The following CACNB4 variants were observed in gnomAD, a reference collection of about 807,000 sequenced individuals.
CACNB4 encodes calcium voltage-gated channel auxiliary subunit beta 4.
A neutral mutation model predicts 71.2 loss-of-function variants in CACNB4; 32 were observed. That is an observed-to-expected ratio of 0.45 (90% CI 0.34 to 0.60). The LOEUF (loss-of-function observed/expected upper bound fraction) is 0.60, where lower values mean the gene tolerates loss of function less well. Among genes scored for constraint, CACNB4 ranks in the 20% least tolerant of loss-of-function variants. The probability of loss-of-function intolerance (pLI) is 0.01; values close to 1 mark genes in which losing one functional copy is unlikely to be tolerated. For missense variants in CACNB4, 464 were observed against 647.9 expected, an observed-to-expected ratio of 0.72 and a Z score of 3.08; for synonymous variants, 231 against 236.9, an observed-to-expected ratio of 0.97 and a Z score of 0.23.
intron 2 of CACNB4, among the ~76,000 whole-genome samples, chr2:152,084,166 T>C (rs1323231200): frequency 1.3e-5 from 2 of 152,092 alleles, no homozygotes; most frequent in Non-Finnish European, 2.9e-5. Flanking sequence ...CTGAATGATG[T>C]CTGTTCCCCA....
At chr2:151,935,149 A>G (rs1279124666) in intron 2 of CACNB4, among the ~76,000 whole-genome samples, 3 of 152,226 alleles carry the variant, frequency 2.0e-5, no homozygotes, top group Non-Finnish European at 4.4e-5. Flanking sequence ...AGTACTTCAA[A>G]ATAATGACTC....
Position 151,839,389 on chromosome 2 carries a change from T to C in CACNB4, c.1303-10A>G, listed in dbSNP as rs2099835597. 6.3e-7 allele frequency: 1 copy of C among 1,592,174 alleles called. No homozygotes were observed. The highest frequency in any genetic ancestry group is 2.2e-5 in the East Asian group (1 of 44,650). On this transcript the variant is annotated splice_polypyrimidine_tract_variant and intron_variant, in intron 13 of 13. Coordinates refer to ENST00000539935, the MANE Select transcript of CACNB4 (RefSeq NM_000726.5). Reference sequence around the variant, plus strand: ...GCCTCATTCGCTGACTCTAAAAATATCAGATAGTTCATTGATTAAATAATG... The same window carrying C: ...GCCTCATTCGCTGACTCTAAAAATACCAGATAGTTCATTGATTAAATAATG...
chr2:151,979,582 G>C (rs1417592751), intron 2 of CACNB4, among the ~76,000 whole-genome samples: 4 of 151,974 alleles, frequency 2.6e-5, no homozygotes, highest in Non-Finnish European at 4.4e-5. Context: ...TAGTTCAGCT[G>C]GTCACCTTCC....
intron 2 of CACNB4, among the ~76,000 whole-genome samples, chr2:152,067,459 C>T (rs1198029044): frequency 6.6e-6 from 1 of 152,052 alleles, no homozygotes; most frequent in African/African-American, 2.4e-5. Flanking sequence ...AATCCTCCCA[C>T]CTCAGCTTCC....
chr2:151,966,375 G>T (rs2099871113), intron 2 of CACNB4, among the ~76,000 whole-genome samples: 1 of 151,996 alleles, frequency 6.6e-6, no homozygotes, highest in African/African-American at 2.4e-5. Context: ...TGCCTCCCAG[G>T]GTTCAAGTGA....
intron 2 of CACNB4, chr2:151,973,944 A>C: frequency 1.6e-6 from 2 of 1,276,184 alleles, no homozygotes. Context: ...AGAGCACAAA[A>C]AGCAAAACCC....
chr2:152,098,298 C>A lies in CACNB4; in HGVS notation c.147+32G>T. 1 of 1,573,764 alleles carries A rather than the reference C, an allele frequency of 6.4e-7. No individual in the cohort carries two copies. Among genetic ancestry groups the A allele is most frequent in the Non-Finnish European group, 8.7e-7 (1 of 1,143,448 alleles). On this transcript the variant is annotated intron_variant, in intron 2 of 13. Coordinates refer to ENST00000539935, the MANE Select transcript of CACNB4 (RefSeq NM_000726.5). The surrounding 1 kb of genome is among the most constrained non-coding windows in gnomAD (Gnocchi z 5.3). ...CCCCGCGCCGCGCGCTCGGCCTCCT[C>A]CCCATCCTGGTCTCCCGCCTCCTTC...
intron 2 of CACNB4, chr2:151,969,163 TG>T (rs2099871896): frequency 6.6e-6 from 1 of 152,244 alleles, no homozygotes; most frequent in Non-Finnish European, 1.5e-5. Context: ...GGTTTTCTTC[TG>T]TGGTCAGAGA....
intron 2 of CACNB4, among the ~76,000 whole-genome samples, chr2:151,942,575 G>C (rs919360238): frequency 4.7e-5 from 7 of 148,832 alleles, no homozygotes; most frequent in Non-Finnish European, 8.8e-5. Flanking sequence ...CCGGCAAAAA[G>C]AGCCATATTT....
chr2:151,965,979 C>T (rs1454297089), intron 2 of CACNB4, among the ~76,000 whole-genome samples: 4 of 152,146 alleles, frequency 2.6e-5, no homozygotes, highest in Non-Finnish European at 4.4e-5. Context: ...ACTCAAGGTC[C>T]GAACACTGAT....
intron 2 of CACNB4, among the ~76,000 whole-genome samples, chr2:152,046,866 T>C (rs146903935): frequency 6.6e-6 from 1 of 152,262 alleles, no homozygotes; most frequent in African/African-American, 2.4e-5. Context: ...ACCACCCAGT[T>C]AGGAAAAAGG....
At chr2:151,923,250 T>C (rs1430428844) in intron 2 of CACNB4, among the ~76,000 whole-genome samples, 1 of 152,230 alleles carries the variant, frequency 6.6e-6, no homozygotes, top group Non-Finnish European at 1.5e-5. Context: ...ATTCTGAAAC[T>C]GGGTCCAACA....
chr2:152,008,385 C>T (rs1435665259), intron 2 of CACNB4, among the ~76,000 whole-genome samples: 1 of 152,164 alleles, frequency 6.6e-6, no homozygotes. Context: ...CTCCCGGGTT[C>T]AAGTGATTCT....
intron 2 of CACNB4, among the ~76,000 whole-genome samples, chr2:152,052,627 T>TC (rs1039478346): frequency 2.6e-5 from 4 of 152,136 alleles, no homozygotes; most frequent in Admixed American, 2.6e-4. Flanking sequence ...CCATCTTAAG[T>TC]CAAGGACCCT....
rs142978113 is a variant in CACNB4, at chr2:152,095,312, C to T, written c.147+3018G>A. On this transcript the variant is annotated intron_variant, in intron 2 of 13. Transcript: ENST00000539935. The stretch of plus-strand genomic sequence containing the variant: ...ATGTGTGTGCATGCACACATATGTG[C>T]ATATATAGTCTCAGAAACACTGAAA... Among the ~76,000 whole-genome samples the T allele has an allele frequency of 5.9e-5, 9 of 152,214 alleles. No individual in the cohort carries two copies. In the East Asian group the frequency reaches 1.5e-3, roughly 26 times the overall value.
intron 2 of CACNB4, among the ~76,000 whole-genome samples, chr2:152,005,540 G>A (rs78595843): frequency 6.6e-6 from 1 of 152,012 alleles, no homozygotes; most frequent in Non-Finnish European, 1.5e-5. Flanking sequence ...TGAGGGGGGC[G>A]GAAAAACTTC....
intron 2 of CACNB4, among the ~76,000 whole-genome samples, chr2:152,013,583 G>A (rs544248607): frequency 1.0e-3 from 153 of 152,112 alleles, no homozygotes; most frequent in African/African-American, 3.5e-3. Flanking sequence ...TCTGCAGAGG[G>A]GATACGCAGG....
At chr2:151,973,618 G>C in intron 2 of CACNB4, 1 of 1,533,312 alleles carries the variant, frequency 6.5e-7, no homozygotes, top group Non-Finnish European at 9.0e-7. Flanking sequence ...GGGGATAGTG[G>C]GAGGAGGAAG....
chr2:152,031,076 A>T (rs540958712), intron 2 of CACNB4, among the ~76,000 whole-genome samples: 1 of 152,308 alleles, frequency 6.6e-6, no homozygotes, highest in African/African-American at 2.4e-5. Context: ...AAGATATTTT[A>T]CAGATGAAGA....
Sources: allele counts gnomAD v4.1 joint callset (sites outside exome capture counted in the v4.1 genomes callset), GRCh38; gene constraint gnomAD v4.1.1; non-coding constraint Gnocchi (gnomAD v3.1); transcripts MANE v1.5; gene names NCBI Gene and HGNC (gene_info 2026-07-23, HGNC 2026-07-21).